The following PDZD2 variants were observed in gnomAD, a reference collection of about 807,000 sequenced individuals.
The protein encoded by PDZD2 is PDZ domain containing 2.
A neutral mutation model predicts 220.7 loss-of-function variants in PDZD2; 90 were observed. That is an observed-to-expected ratio of 0.41 (90% CI 0.34 to 0.49). The LOEUF is 0.49. Among genes scored for constraint, PDZD2 ranks in the 20% least tolerant of loss-of-function variants. The pLI is 0.28. For missense variants in PDZD2, 3,174 were observed against 3,608.5 expected, an observed-to-expected ratio of 0.88 and a Z score of 3.08; for synonymous variants, 1,375 against 1,450.5, an observed-to-expected ratio of 0.95 and a Z score of 1.18.
intron 1 of PDZD2, among the ~76,000 whole-genome samples, chr5:31,792,211 G>C (rs143082423): frequency 6.6e-6 from 1 of 152,184 alleles, no homozygotes; most frequent in East Asian, 1.9e-4. Flanking sequence ...CGTGGCTGAG[G>C]AGCAGGGACC....
chr5:32,023,771 TA>T (rs1329170738), intron 6 of PDZD2, among the ~76,000 whole-genome samples: 8 of 152,232 alleles, frequency 5.3e-5, no homozygotes, highest in Admixed American at 3.3e-4. Flanking sequence ...GAGTATGAAC[TA>T]TTCCTAGACC....
intron 2 of PDZD2, among the ~76,000 whole-genome samples, chr5:31,866,818 A>G (rs1394867957): frequency 6.6e-6 from 1 of 152,208 alleles, no homozygotes; most frequent in African/African-American, 2.4e-5. Flanking sequence ...GCAGTAAGCA[A>G]TTACTGAGTG....
chr5:31,659,781 A>G (rs1035661096), intron 1 of PDZD2, among the ~76,000 whole-genome samples: 13 of 152,184 alleles, frequency 8.5e-5, no homozygotes, highest in Non-Finnish European at 1.3e-4. Context: ...CCTGTCTCCA[A>G]CTGGTGTGGA....
At chr5:31,758,220 C>T (rs781051783) in intron 1 of PDZD2, among the ~76,000 whole-genome samples, 3 of 152,232 alleles carry the variant, frequency 2.0e-5, no homozygotes, top group Middle Eastern at 3.2e-3. Context: ...TATTTTGTGT[C>T]TTCTCTGAGC....
chr5:32,005,105 T>C (rs775133817), intron 5 of PDZD2, among the ~76,000 whole-genome samples: 5 of 152,256 alleles, frequency 3.3e-5, no homozygotes, highest in Middle Eastern at 3.2e-3. Flanking sequence ...CCTCTTGACA[T>C]GTTTCTCTTC....
At chr5:31,782,707 ATTTTT>A (rs34166035) in intron 1 of PDZD2, among the ~76,000 whole-genome samples, 24 of 96,508 alleles carry the variant, frequency 2.5e-4, no homozygotes, top group African/African-American at 9.0e-4. Context: ...ACCACTTTAG[ATTTTT>A]TTTTTTTTTT....
chr5:31,722,686 G>GT (rs1186196128), intron 1 of PDZD2, among the ~76,000 whole-genome samples: 3 of 146,116 alleles, frequency 2.1e-5, no homozygotes, highest in Admixed American at 6.9e-5. Flanking sequence ...TTTGTGGGTT[G>GT]TTTTTTTGTT....
At chr5:31,797,785 T>G (rs1282583203) in intron 1 of PDZD2, among the ~76,000 whole-genome samples, 4 of 152,234 alleles carry the variant, frequency 2.6e-5, no homozygotes, top group African/African-American at 7.2e-5. Flanking sequence ...AGTAATAAGG[T>G]CATTTATTAT....
chr5:32,033,365 C>T (rs1755269220), intron 6 of PDZD2, among the ~76,000 whole-genome samples: 1 of 152,158 alleles, frequency 6.6e-6, no homozygotes, highest in Non-Finnish European at 1.5e-5. Flanking sequence ...TCTAAGCAAC[C>T]CACTTCCTGT....
At chr5:31,897,608 G>C (rs1265328166) in intron 2 of PDZD2, among the ~76,000 whole-genome samples, 2 of 152,056 alleles carry the variant, frequency 1.3e-5, no homozygotes, top group African/African-American at 4.8e-5. Flanking sequence ...CTTTTTCTGG[G>C]GATAGGGCAG....
At chr5:31,647,605 C>G (rs1486333481) in intron 1 of PDZD2, among the ~76,000 whole-genome samples, 1 of 152,216 alleles carries the variant, frequency 6.6e-6, no homozygotes, top group Non-Finnish European at 1.5e-5. Context: ...TGTGTCTTCT[C>G]TCTTGTCTGC....
chr5:32,065,635 G>A (rs771053947), intron 14 of PDZD2, among the ~76,000 whole-genome samples: 13 of 152,214 alleles, frequency 8.5e-5, no homozygotes, highest in Non-Finnish European at 1.3e-4. Context: ...CAAAATTGCC[G>A]TTAGACTAAT....
chr5:31,993,885 T>G (rs1032745538), intron 3 of PDZD2, among the ~76,000 whole-genome samples: 1 of 152,254 alleles, frequency 6.6e-6, no homozygotes, highest in African/African-American at 2.4e-5. Flanking sequence ...TCAACAGTTT[T>G]GCAGTGAGCA....
At chr5:31,737,785 A>C (rs1336535238) in intron 1 of PDZD2, among the ~76,000 whole-genome samples, 2 of 152,244 alleles carry the variant, frequency 1.3e-5, no homozygotes, top group East Asian at 1.9e-4. Flanking sequence ...AATCTGCTTT[A>C]AAACTGTATC....
intron 20 of PDZD2, among the ~76,000 whole-genome samples, chr5:32,092,228 C>A (rs776115077): frequency 2.7e-5 from 4 of 148,276 alleles, no homozygotes; most frequent in Non-Finnish European, 5.9e-5. Context: ...GAGCTGAGAT[C>A]GCGTCACTGC....
chr5:31,785,903 C>T (rs1753353588), intron 1 of PDZD2, among the ~76,000 whole-genome samples: 1 of 152,140 alleles, frequency 6.6e-6, no homozygotes, highest in Non-Finnish European at 1.5e-5. Flanking sequence ...AGTCGCTCCA[C>T]ATCACTTCTC....
At chr5:31,934,491 G>A (rs72757997) in intron 2 of PDZD2, among the ~76,000 whole-genome samples, 2,556 of 151,828 alleles carry the variant, frequency 0.017, 32 homozygotes, top group Non-Finnish European at 0.028. Context: ...AGTAAAAGGC[G>A]GATCCTGTTT....
intron 2 of PDZD2, among the ~76,000 whole-genome samples, chr5:31,829,905 G>A (rs563750940): frequency 6.6e-5 from 10 of 151,930 alleles, no homozygotes; most frequent in South Asian, 2.1e-4. Context: ...AAAATTAGCC[G>A]AGTGTGGTGG....
intron 2 of PDZD2, among the ~76,000 whole-genome samples, chr5:31,938,699 A>G (rs567138993): frequency 6.6e-6 from 1 of 152,328 alleles, no homozygotes; most frequent in East Asian, 1.9e-4. Context: ...TAAAAAAAAG[A>G]CAGCTGAATA....
Sources: gnomAD v4.1 joint callset for allele counts (sites outside exome capture counted in the v4.1 genomes callset) on GRCh38, gnomAD v4.1.1 for gene constraint, MANE v1.5 for transcripts, NCBI Gene and HGNC (gene_info 2026-07-23, HGNC 2026-07-21) for gene names.